The following BMPR1B variants were observed in gnomAD, a reference collection of about 807,000 sequenced individuals.
BMPR1B encodes bone morphogenetic protein receptor type 1B, also known as bone morphogenetic protein receptor type-1B.
A neutral mutation model predicts 59.1 loss-of-function variants in BMPR1B; 12 were observed. The observed-to-expected ratio is 0.20, with a 90% CI of 0.13 to 0.33. BMPR1B has a LOEUF of 0.33. Among genes scored for constraint, BMPR1B ranks in the 10% least tolerant of loss-of-function variants. The pLI is 1.00. For missense variants in BMPR1B, 550 were observed against 610.9 expected, an observed-to-expected ratio of 0.90 and a Z score of 1.05; for synonymous variants, 237 against 207.3, an observed-to-expected ratio of 1.14 and a Z score of -1.23.
chr4:94,901,860 A>G (rs570717074), intron 2 of BMPR1B, among the ~76,000 whole-genome samples: 6 of 151,998 alleles, frequency 3.9e-5, no homozygotes, highest in African/African-American at 7.2e-5. Context: ...GAACATGGGC[A>G]AGAACACTTG....
intron 1 of BMPR1B, among the ~76,000 whole-genome samples, chr4:94,788,560 T>C (rs1165386402): frequency 6.6e-6 from 1 of 151,742 alleles, no homozygotes; most frequent in Non-Finnish European, 1.5e-5. Flanking sequence ...GAATCTGACG[T>C]AGGAGGTGCA....
intron 2 of BMPR1B, among the ~76,000 whole-genome samples, chr4:94,910,304 C>G (rs1164955431): frequency 6.6e-6 from 1 of 151,982 alleles, no homozygotes; most frequent in African/African-American, 2.4e-5. Flanking sequence ...TAAAGTTTGC[C>G]TCATTTTATA....
At chr4:95,091,205 C>T (rs1456960561) in intron 3 of BMPR1B, among the ~76,000 whole-genome samples, 1 of 152,064 alleles carries the variant, frequency 6.6e-6, no homozygotes. Context: ...TGTTACATAA[C>T]ACACTGTGGT....
chr4:94,858,326 C>T (rs933718264), intron 1 of BMPR1B, among the ~76,000 whole-genome samples: 1 of 152,098 alleles, frequency 6.6e-6, no homozygotes, highest in Non-Finnish European at 1.5e-5. Flanking sequence ...TTTTCCTCAA[C>T]AAGAATTTCA....
chr4:95,150,684 C>A (rs1734976076), intron 11 of BMPR1B, among the ~76,000 whole-genome samples: 1 of 152,158 alleles, frequency 6.6e-6, no homozygotes, highest in African/African-American at 2.4e-5. Context: ...TTTATATAAA[C>A]AGCAGGGTAT....
Position 94,787,345 on chromosome 4 carries a change from T to C in BMPR1B, c.-183+29277T>C, listed in dbSNP as rs1722800106. On this transcript the variant is annotated intron_variant, in intron 1 of 12. Transcript: ENST00000515059. ...GCTACTGAAACATGGCACCTTGGCT[T>C]ATTAAATATTTTAAGCTAAAGGAAT... is the stretch of plus-strand genomic sequence containing the variant. 2.0e-5 allele frequency among the ~76,000 whole-genome samples: 3 copies of C among 152,196 alleles called. No individual in the cohort carries two copies. In the South Asian group the frequency reaches 6.2e-4, roughly 32 times the overall value.
At chr4:94,975,205 T>C (rs1730975083) in intron 2 of BMPR1B, among the ~76,000 whole-genome samples, 1 of 152,022 alleles carries the variant, frequency 6.6e-6, no homozygotes, top group African/African-American at 2.4e-5. Flanking sequence ...AGAATATTGA[T>C]TGGGTGTCAA....
chr4:95,149,322 G>A (rs1357678515), intron 11 of BMPR1B, among the ~76,000 whole-genome samples: 1 of 152,060 alleles, frequency 6.6e-6, no homozygotes, highest in Non-Finnish European at 1.5e-5. Flanking sequence ...GATTTCCTCT[G>A]CAGAGATGAC....
Position 95,157,756 on chromosome 4 carries a change from G to A in BMPR1B, c.*3083G>A, listed in dbSNP as rs1045484259. The A allele has an allele frequency of 6.6e-6, 1 of 152,070 alleles. No homozygotes were observed. The highest frequency in any genetic ancestry group is 2.4e-5 in the African/African-American group (1 of 41,424). The allele number at this position is 152,070 out of a possible 1,614,324, so 9.4% of individuals were successfully genotyped here. On this transcript the variant is annotated 3_prime_UTR_variant, in exon 13 of 13. Coordinates refer to ENST00000515059, the MANE Select transcript of BMPR1B (RefSeq NM_001203.3). ...ACATAATATTTATTTATAAAAGTGT[G>A]TAGATTGTTAAATCACAAAAAGAGT... is the stretch of plus-strand genomic sequence containing the variant.
intron 1 of BMPR1B, among the ~76,000 whole-genome samples, chr4:94,776,898 T>G (rs1237097956): frequency 6.6e-6 from 1 of 152,190 alleles, no homozygotes; most frequent in Non-Finnish European, 1.5e-5. Flanking sequence ...TATATTTCCT[T>G]TATCCTTTCT....
chr4:94,847,741 C>G (rs1048339513), intron 1 of BMPR1B, among the ~76,000 whole-genome samples: 2 of 149,138 alleles, frequency 1.3e-5, no homozygotes, highest in Admixed American at 6.6e-5. Context: ...ATTTAAACAA[C>G]TGAACTTGTG....
chr4:94,985,663 G>T (rs141145975), intron 2 of BMPR1B, among the ~76,000 whole-genome samples: 1,648 of 152,024 alleles, frequency 0.011, 10 homozygotes, highest in Non-Finnish European at 0.018. Flanking sequence ...GCTGAGATTT[G>T]TTCCTGTGGT....
rs1219241842 is a variant in BMPR1B at position 95,157,929 on chromosome 4, A to G, written c.*3256A>G. The G allele has an allele frequency of 6.6e-6, 1 of 152,192 alleles. No homozygotes were observed. Among genetic ancestry groups the G allele is most frequent in the Non-Finnish European group, 1.5e-5 (1 of 68,036 alleles). 9.4% of individuals were successfully genotyped at this position (152,192 alleles called of 1,614,324 possible). The stretch of plus-strand genomic sequence containing the variant: ...TTATTTACAGGGAATTCTTTGACAC[A>G]TTTCAATTGGTGTGTAGTCAAGTAT... On this transcript the variant is annotated 3_prime_UTR_variant, in exon 13 of 13. Transcript: ENST00000515059.
chr4:94,883,982 C>A (rs1455589006), intron 2 of BMPR1B, among the ~76,000 whole-genome samples: 1 of 152,202 alleles, frequency 6.6e-6, no homozygotes, highest in Admixed American at 6.5e-5. Context: ...TTTTTACTGT[C>A]AGTACCTTGA....
chr4:94,818,160 A>G (rs985486290), intron 1 of BMPR1B, among the ~76,000 whole-genome samples: 12 of 152,146 alleles, frequency 7.9e-5, no homozygotes. Context: ...ACTTTTTTAA[A>G]GGACTATTTT....
rs33930624 is a variant in BMPR1B, at chr4:95,096,725, CTATA to C, written c.-17-7678_-17-7675del. Among the ~76,000 whole-genome samples, 73 of 138,322 alleles carry C rather than the reference CTATA, an allele frequency of 5.3e-4. 1 individual carries two copies. The highest frequency in any genetic ancestry group is 3.9e-3 in the South Asian group (18 of 4,620). The allele number at this position is 138,322 out of a possible 152,430, so 90.7% of individuals were successfully genotyped here. On this transcript the variant is annotated intron_variant, in intron 3 of 12. Coordinates refer to ENST00000515059, the MANE Select transcript of BMPR1B (RefSeq NM_001203.3). ...TATAATTATATAGAGGCATATATAA[CTATA>C]TATAGTTATATATAACTATATATAG...
chr4:94,839,474 T>G (rs1724962293), intron 1 of BMPR1B, among the ~76,000 whole-genome samples: 1 of 148,120 alleles, frequency 6.8e-6, no homozygotes, highest in Non-Finnish European at 1.5e-5. Flanking sequence ...TTTAGGATAG[T>G]TAACTCTTCT....
At chr4:94,775,788 C>T (rs567595713) in intron 1 of BMPR1B, among the ~76,000 whole-genome samples, 4 of 152,294 alleles carry the variant, frequency 2.6e-5, no homozygotes, top group South Asian at 4.1e-4. Context: ...ATTATTACTA[C>T]GGTTAGAAAT....
chr4:94,885,348 T>C (rs1250043766), intron 2 of BMPR1B, among the ~76,000 whole-genome samples: 2 of 152,228 alleles, frequency 1.3e-5, no homozygotes, highest in Non-Finnish European at 2.9e-5. Flanking sequence ...GTTGCTTCTT[T>C]ATTTAGCACA....
Sources: gnomAD v4.1 joint callset for allele counts (sites outside exome capture counted in the v4.1 genomes callset) on GRCh38, gnomAD v4.1.1 for gene constraint, MANE v1.5 for transcripts, NCBI Gene and HGNC (gene_info 2026-07-23, HGNC 2026-07-21) for gene names.